The following TAFA2 variants were observed in gnomAD, a reference collection of about 807,000 sequenced individuals.
TAFA2 encodes chemokine-like protein TAFA-2.
TAFA2 carries 7 observed loss-of-function variants against 18.8 expected under a neutral mutation model. The observed-to-expected ratio is 0.37, with a 90% CI of 0.21 to 0.70. The LOEUF is 0.70. Ranked by LOEUF, TAFA2 falls within the 30% of genes least tolerant of loss-of-function variation. The pLI, the probability that TAFA2 is intolerant of heterozygous loss-of-function variation, is 0.53. For missense variants in TAFA2, 122 were observed against 158.1 expected (o/e 0.77, Z 1.23); for synonymous variants, 60 against 54.2 (o/e 1.11, Z -0.47).
intron 1 of TAFA2, among the ~76,000 whole-genome samples, chr12:62,009,993 T>G (rs1880676387): frequency 6.6e-6 from 1 of 152,214 alleles, no homozygotes; most frequent in Non-Finnish European, 1.5e-5. Flanking sequence ...TAAAGGAGAC[T>G]GGTCAATTGA....
intron 1 of TAFA2, among the ~76,000 whole-genome samples, chr12:61,887,328 T>C (rs1875427440): frequency 6.6e-6 from 1 of 152,200 alleles, no homozygotes; most frequent in Non-Finnish European, 1.5e-5. Context: ...ATGTAGAAAA[T>C]ATTGCTTCCT....
intron 1 of TAFA2, among the ~76,000 whole-genome samples, chr12:61,995,345 A>G (rs1402564768): frequency 1.3e-5 from 2 of 152,190 alleles, no homozygotes; most frequent in African/African-American, 4.8e-5. Context: ...AGTTCCTTCA[A>G]AGTCATCAAT....
At chr12:61,978,942 T>G (rs1879531842) in intron 1 of TAFA2, among the ~76,000 whole-genome samples, 1 of 152,106 alleles carries the variant, frequency 6.6e-6, no homozygotes, top group Non-Finnish European at 1.5e-5. Flanking sequence ...TAATGAACAC[T>G]TCTGACCGTC....
Position 62,036,868 on chromosome 12 carries a change from G to T in TAFA2, c.-2+154391C>A, listed in dbSNP as rs148463714. 5.9e-4 allele frequency among the ~76,000 whole-genome samples: 90 copies of T among 152,162 alleles called. 1 individual carries two copies. Among genetic ancestry groups the T allele is most frequent in the African/African-American group, 2.1e-3 (88 of 41,528 alleles). On this transcript the variant is annotated intron_variant, in intron 1 of 4. Transcript: ENST00000416284. ...CTGTACTAACTTGAGATCTTTACTG[G>T]CTAAAACAAAAAATCAGTCAACTGC...
chr12:61,923,021 A>G (rs1017606626), intron 1 of TAFA2, among the ~76,000 whole-genome samples: 6 of 152,198 alleles, frequency 3.9e-5, no homozygotes, highest in Non-Finnish European at 8.8e-5. Flanking sequence ...CAGCAAAGCC[A>G]CTGTAGCCAC....
chr12:61,954,733 T>C (rs1042778323), intron 1 of TAFA2, among the ~76,000 whole-genome samples: 2 of 152,160 alleles, frequency 1.3e-5, no homozygotes, highest in African/African-American at 4.8e-5. Context: ...TTAAATTCAA[T>C]CTCAATTTGG....
chr12:61,902,859 C>A (rs1876169043), intron 1 of TAFA2, among the ~76,000 whole-genome samples: 1 of 151,870 alleles, frequency 6.6e-6, no homozygotes, highest in African/African-American at 2.4e-5. Context: ...GTCTACGATC[C>A]CTCTCCCATT....
intron 1 of TAFA2, among the ~76,000 whole-genome samples, chr12:62,157,853 G>A (rs1034394771): frequency 1.3e-5 from 2 of 151,928 alleles, no homozygotes; most frequent in African/African-American, 2.4e-5. Context: ...ACGTCTTCCC[G>A]CTGATTAGAC....
At chr12:62,188,200 G>A (rs768620530) in intron 1 of TAFA2, among the ~76,000 whole-genome samples, 11 of 152,214 alleles carry the variant, frequency 7.2e-5, no homozygotes, top group African/African-American at 2.2e-4. Flanking sequence ...AGGGGATGAC[G>A]GCTTGGATGA....
intron 1 of TAFA2, chr12:62,235,590 G>A (rs766728851): frequency 9.2e-5 from 28 of 303,914 alleles, no homozygotes; most frequent in Non-Finnish European, 1.5e-4. Context: ...GGTGGTTATC[G>A]GGACATTGCC....
At chr12:61,755,534 T>C (rs2120765019) in intron 2 of TAFA2, among the ~76,000 whole-genome samples, 1 of 152,180 alleles carries the variant, frequency 6.6e-6, no homozygotes, top group African/African-American at 2.4e-5. Flanking sequence ...TTCTGCTCAG[T>C]TTCCCTGAAA....
chr12:62,049,377 C>A (rs1881991152), intron 1 of TAFA2, among the ~76,000 whole-genome samples: 1 of 152,160 alleles, frequency 6.6e-6, no homozygotes, highest in African/African-American at 2.4e-5. Flanking sequence ...CCTACACTCA[C>A]AAAGAAACAT....
rs140756076 is a variant in TAFA2 at position 61,837,189 on chromosome 12, T to C, written c.106+30131A>G. Reference sequence around the variant, plus strand: ...CCAACAAATTTGATGGGGATTGCAATGTATTGATGGCAATAGAATCAAAAA... The same window carrying C: ...CCAACAAATTTGATGGGGATTGCAACGTATTGATGGCAATAGAATCAAAAA... On this transcript the variant is annotated intron_variant, in intron 2 of 4. Coordinates refer to ENST00000416284, the MANE Select transcript of TAFA2 (RefSeq NM_178539.5). 9.4e-3 allele frequency among the ~76,000 whole-genome samples: 1,428 copies of C among 152,058 alleles called. 21 individuals carry two copies. The highest frequency in any genetic ancestry group is 0.033 in the African/African-American group (1,360 of 41,534).
intron 2 of TAFA2, among the ~76,000 whole-genome samples, chr12:61,820,674 A>C (rs575034592): frequency 6.6e-6 from 1 of 152,146 alleles, no homozygotes; most frequent in South Asian, 2.1e-4. Context: ...GTATTTGATG[A>C]CTGGATAAAT....
chr12:61,888,561 T>C (rs1340929211), intron 1 of TAFA2, among the ~76,000 whole-genome samples: 1 of 152,216 alleles, frequency 6.6e-6, no homozygotes, highest in African/African-American at 2.4e-5. Flanking sequence ...TTTCCAAGGA[T>C]AACAACTCAC....
chr12:61,766,740 A>G (rs1004597797), intron 2 of TAFA2, among the ~76,000 whole-genome samples: 21 of 152,288 alleles, frequency 1.4e-4, no homozygotes, highest in African/African-American at 4.6e-4. Context: ...GGTTTACTAC[A>G]AGGGTTCTCA....
chr12:62,170,289 C>T (rs2062468796), intron 1 of TAFA2, among the ~76,000 whole-genome samples: 1 of 152,158 alleles, frequency 6.6e-6, no homozygotes, highest in African/African-American at 2.4e-5. Context: ...GTCAGGTGAA[C>T]CTGATGTTAA....
At chr12:61,796,310 T>G (rs970754930) in intron 2 of TAFA2, among the ~76,000 whole-genome samples, 4 of 152,098 alleles carry the variant, frequency 2.6e-5, no homozygotes, top group Admixed American at 2.6e-4. Flanking sequence ...TAAACAAATT[T>G]TGGCATAACT....
rs944188635 is a variant in TAFA2, at chr12:61,809,588, G to A, written c.107-54564C>T. 9.3e-5 allele frequency among the ~76,000 whole-genome samples: 14 copies of A among 151,012 alleles called. 1 individual carries two copies. Among genetic ancestry groups the A allele is most frequent in the African/African-American group, 3.5e-4 (14 of 40,452 alleles). On this transcript the variant is annotated intron_variant, in intron 2 of 4. Coordinates refer to ENST00000416284, the MANE Select transcript of TAFA2 (RefSeq NM_178539.5). ...AGGCACTGATTATTAACTAATCCAT[G>A]ATTCCAAAAGAATCATGATTTAGAG...
Sources: allele counts gnomAD v4.1 joint callset (sites outside exome capture counted in the v4.1 genomes callset), GRCh38; gene constraint gnomAD v4.1.1; transcripts MANE v1.5; gene names NCBI Gene and HGNC (gene_info 2026-07-23, HGNC 2026-07-21).